Variants in METAP1D observed in about 807,000 individuals in gnomAD.
METAP1D encodes the protein methionine aminopeptidase 1D, mitochondrial.
METAP1D carries 31 observed loss-of-function variants against 40.5 expected under a neutral mutation model. That is an observed-to-expected ratio of 0.77 (90% CI 0.58 to 1.03). The LOEUF is 1.03. Among genes scored for constraint, METAP1D ranks in the 50% least tolerant of loss-of-function variants. The pLI is 0.00. For synonymous variants in METAP1D, 151 were observed against 146.4 expected, an observed-to-expected ratio of 1.03 and a Z score of -0.22; for missense variants, 411 against 420.7, an observed-to-expected ratio of 0.98 and a Z score of 0.20.
Position 172,080,656 on chromosome 2 carries a change from G to C in METAP1D, c.*250G>C. Reference sequence around the variant, plus strand: ...GACTCGGTTTCCCAGCGCGGTCAACGCATCTGGAGGGGACTGGAGGAAACC... The same window carrying C: ...GACTCGGTTTCCCAGCGCGGTCAACCCATCTGGAGGGGACTGGAGGAAACC... On this transcript the variant is annotated 3_prime_UTR_variant, in exon 10 of 10. Transcript: ENST00000315796. 1.7e-6 allele frequency: 1 copy of C among 593,436 alleles called. No individual in the cohort carries two copies. The allele number at this position is 593,436 out of a possible 1,614,324, so 36.8% of individuals were successfully genotyped here.
chr2:172,052,767 A>G (rs1183295834), intron 1 of METAP1D, among the ~76,000 whole-genome samples: 4 of 152,252 alleles, frequency 2.6e-5, no homozygotes, highest in African/African-American at 9.6e-5. Flanking sequence ...ATTGTTTTAA[A>G]AATTGGGAAT....
chr2:172,009,711 A>T (rs1024622814), intron 1 of METAP1D, among the ~76,000 whole-genome samples: 1 of 152,164 alleles, frequency 6.6e-6, no homozygotes, highest in Non-Finnish European at 1.5e-5. Context: ...AGAAAGTGAG[A>T]TGGTGTCTCC....
intron 1 of METAP1D, among the ~76,000 whole-genome samples, chr2:172,036,043 CAT>C (rs1689368076): frequency 6.6e-6 from 1 of 151,916 alleles, no homozygotes; most frequent in Non-Finnish European, 1.5e-5. Context: ...TATGGCTGGG[CAT>C]GATGGTTCAT....
chr2:172,069,978 C>T (rs983161268), intron 5 of METAP1D, among the ~76,000 whole-genome samples: 3 of 152,144 alleles, frequency 2.0e-5, no homozygotes, highest in African/African-American at 7.2e-5. Flanking sequence ...TTTTTTATAA[C>T]AGTTTCTACA....
chr2:172,054,782 C>T (rs1689965683), intron 1 of METAP1D, among the ~76,000 whole-genome samples: 1 of 152,158 alleles, frequency 6.6e-6, no homozygotes, highest in Non-Finnish European at 1.5e-5. Context: ...ACAGTGTGCT[C>T]TTCCATGGAG....
At chr2:172,072,742 C>G (rs1267576472) in intron 6 of METAP1D, among the ~76,000 whole-genome samples, 1 of 151,956 alleles carries the variant, frequency 6.6e-6, no homozygotes, top group African/African-American at 2.4e-5. Context: ...GGCTCTCATT[C>G]TTTTTCCCCC....
intron 1 of METAP1D, among the ~76,000 whole-genome samples, chr2:172,003,298 C>T (rs1270627111): frequency 6.6e-6 from 1 of 152,106 alleles, no homozygotes; most frequent in Non-Finnish European, 1.5e-5. Context: ...GAATCCCTAC[C>T]CTGGGGCCCC....
intron 9 of METAP1D, 45 bp from the exon 10 acceptor site, chr2:172,080,283 C>G: frequency 6.2e-7 from 1 of 1,613,960 alleles, no homozygotes; most frequent in Non-Finnish European, 8.5e-7. Context: ...TGTGGCCCGG[C>G]CGGAGCTTGC....
At chr2:172,018,621 G>T (rs1688934692) in intron 1 of METAP1D, among the ~76,000 whole-genome samples, 1 of 152,124 alleles carries the variant, frequency 6.6e-6, no homozygotes, top group South Asian at 2.1e-4. Flanking sequence ...AAACAGAGAG[G>T]TCTCTGACTG....
chr2:172,081,079 C>G lies in METAP1D; in HGVS notation c.*673C>G, dbSNP rs904854754. On this transcript the variant is annotated 3_prime_UTR_variant, in exon 10 of 10. Coordinates refer to ENST00000315796, the MANE Select transcript of METAP1D (RefSeq NM_199227.3). Reference sequence around the variant, plus strand: ...CTTCAGGTTTCTGTCAATCCAGAAACGCGACTTTCCTGGACCCCTGCGGCT... The same window carrying G: ...CTTCAGGTTTCTGTCAATCCAGAAAGGCGACTTTCCTGGACCCCTGCGGCT... The G allele has an allele frequency of 2.6e-5, 4 of 153,496 alleles. No homozygotes were observed. Among genetic ancestry groups the G allele is most frequent in the Admixed American group, 2.6e-4 (4 of 15,388 alleles). 9.5% of individuals were successfully genotyped at this position (153,496 alleles called of 1,614,324 possible).
At chr2:172,079,401 T>G in intron 8 of METAP1D, 139 bp downstream of exon 8, 1 of 768,854 alleles carries the variant, frequency 1.3e-6, no homozygotes, top group Non-Finnish European at 2.2e-6. Context: ...GGAAATCTGA[T>G]TAAATAATAT....
rs191773312 is a variant in METAP1D, at chr2:172,079,384, A to C, written c.850+122A>C. On this transcript the variant is annotated intron_variant, in intron 8 of 9. Coordinates refer to ENST00000315796, the MANE Select transcript of METAP1D (RefSeq NM_199227.3). Reference sequence around the variant, plus strand: ...CAATCAGTGTAATGAAATAATTCGGATGCACTGGAAATCTGATTAAATAAT... The same window carrying C: ...CAATCAGTGTAATGAAATAATTCGGCTGCACTGGAAATCTGATTAAATAAT... 47 of 859,484 alleles carry C rather than the reference A, an allele frequency of 5.5e-5. No homozygotes were observed. The African/African-American group carries it at 7.7e-4, about 14-fold the overall frequency. The allele number at this position is 859,484 out of a possible 1,614,324, so 53.2% of individuals were successfully genotyped here. A position where few individuals can be genotyped will look rare whatever the true frequency, so the allele number is the denominator to read the frequency against.
At chr2:172,036,120 A>C (rs951554699) in intron 1 of METAP1D, among the ~76,000 whole-genome samples, 1 of 151,736 alleles carries the variant, frequency 6.6e-6, no homozygotes, top group East Asian at 2.0e-4. Context: ...GATCAAGACC[A>C]TCCTGGCTAA....
At chr2:172,000,458 A>ACTT (rs892805320) in intron 1 of METAP1D, among the ~76,000 whole-genome samples, 4 of 140,750 alleles carry the variant, frequency 2.8e-5, no homozygotes, top group Admixed American at 7.0e-5. Flanking sequence ...TCTTCCAGTG[A>ACTT]CTTAAAGTTA....
intron 1 of METAP1D, among the ~76,000 whole-genome samples, chr2:172,025,738 G>T (rs11688839): frequency 0.26 from 39,725 of 151,804 alleles, 5,987 homozygotes; most frequent in Middle Eastern, 0.4. Flanking sequence ...AGTCTGGGTC[G>T]CTTCGTTGCC....
At chr2:172,001,970 C>G (rs977913861) in intron 1 of METAP1D, among the ~76,000 whole-genome samples, 1 of 148,928 alleles carries the variant, frequency 6.7e-6, no homozygotes, top group East Asian at 2.0e-4. Flanking sequence ...GTGGCACATG[C>G]TGGTAATCCC....
At chr2:172,068,985 C>T (rs1454942200) in intron 5 of METAP1D, among the ~76,000 whole-genome samples, 1 of 151,998 alleles carries the variant, frequency 6.6e-6, no homozygotes, top group African/African-American at 2.4e-5. Context: ...GTGGTGCCAT[C>T]ATGGCTTACT....
intron 1 of METAP1D, among the ~76,000 whole-genome samples, chr2:172,019,922 G>A (rs959540051): frequency 1.3e-5 from 2 of 152,130 alleles, no homozygotes; most frequent in African/African-American, 4.8e-5. Context: ...GAGTCAGTAG[G>A]TATAGGTGAG....
chr2:172,038,292 T>A (rs1276192155), intron 1 of METAP1D, among the ~76,000 whole-genome samples: 1 of 152,228 alleles, frequency 6.6e-6, no homozygotes, highest in Non-Finnish European at 1.5e-5. Context: ...TATGAGCTAC[T>A]GGGCTAGCTG....
Sources: allele counts gnomAD v4.1 joint callset (sites outside exome capture counted in the v4.1 genomes callset), GRCh38; gene constraint gnomAD v4.1.1; transcripts MANE v1.5; gene names NCBI Gene and HGNC (gene_info 2026-07-23, HGNC 2026-07-21).